The following SLIT3 variants were observed in gnomAD, a reference collection of about 807,000 sequenced individuals.
SLIT3 encodes slit homolog 3 protein.
A neutral mutation model predicts 184.0 loss-of-function variants in SLIT3; 68 were observed. That is an observed-to-expected ratio of 0.37 (90% CI 0.30 to 0.45). SLIT3 has a LOEUF of 0.45. SLIT3 is among the 20% of genes least tolerant of loss of function. The probability of loss-of-function intolerance (pLI) is 1.00; values close to 1 mark genes in which losing one functional copy is unlikely to be tolerated. For missense variants in SLIT3, 1,707 were observed against 2,026.0 expected, an observed-to-expected ratio of 0.84 and a Z score of 3.02; for synonymous variants, 831 against 828.6, an observed-to-expected ratio of 1.00 and a Z score of -0.05.
rs1183783589 is a variant in SLIT3, at chr5:168,664,560, T to C, written c.*1894A>G. On this transcript the variant is annotated 3_prime_UTR_variant, in exon 36 of 36. Coordinates refer to ENST00000519560, the MANE Select transcript of SLIT3 (RefSeq NM_003062.4). ...TTGCCTCGTTTTCCTCCATCTTCCT[T>C]TCTTTTCTTTCTCCCTTCATTATTC... 2.6e-5 allele frequency: 4 copies of C among 152,258 alleles called. No homozygotes were observed. Among genetic ancestry groups the C allele is most frequent in the Non-Finnish European group, 5.9e-5 (4 of 68,072 alleles). The allele number at this position is 152,258 out of a possible 1,614,324, so 9.4% of individuals were successfully genotyped here.
At chr5:168,864,602 C>G (rs964532133) in intron 5 of SLIT3, among the ~76,000 whole-genome samples, 1 of 152,170 alleles carries the variant, frequency 6.6e-6, no homozygotes, top group African/African-American at 2.4e-5. Flanking sequence ...GCATTCCCAC[C>G]GTCAGTGTGA....
At chr5:168,897,646 G>GCGCGCGCGCGCGCACACACACA in intron 4 of SLIT3, among the ~76,000 whole-genome samples, 5 of 105,446 alleles carry the variant, frequency 4.7e-5, no homozygotes, top group South Asian at 2.8e-4. Context: ...ACAGGTGCAC[G>GCGCGCGCGCGCGCACACACACA]TACACACACA....
intron 4 of SLIT3, among the ~76,000 whole-genome samples, chr5:169,033,485 A>C (rs1270722172): frequency 3.9e-5 from 6 of 152,092 alleles, no homozygotes; most frequent in Non-Finnish European, 7.4e-5. Flanking sequence ...GTCATCTGGT[A>C]ATTTTATTTT....
At chr5:168,972,776 C>T (rs1250448668) in intron 4 of SLIT3, among the ~76,000 whole-genome samples, 7 of 152,112 alleles carry the variant, frequency 4.6e-5, no homozygotes, top group South Asian at 2.1e-4. Flanking sequence ...TTGCTTGTTG[C>T]CTCACATTGG....
chr5:168,789,782 G>T (rs1756292831), intron 10 of SLIT3, 151 bp from the exon 11 acceptor site: 2 of 614,408 alleles, frequency 3.3e-6, no homozygotes, highest in Non-Finnish European at 5.9e-6. Context: ...AAGAGAAGGA[G>T]CTTAAAGAGC....
chr5:169,193,366 G>A, intron 4 of SLIT3, 113 bp downstream of exon 4: 1 of 843,358 alleles, frequency 1.2e-6, no homozygotes, highest in Non-Finnish European at 2.1e-6. Context: ...AAGTCTCTAT[G>A]TCAGGGCCTA....
intron 9 of SLIT3, among the ~76,000 whole-genome samples, chr5:168,797,074 C>T (rs1756588976): frequency 1.3e-5 from 2 of 152,042 alleles, no homozygotes; most frequent in South Asian, 4.2e-4. Context: ...GGGGAGTGCA[C>T]TTTACCGGGA....
intron 4 of SLIT3, among the ~76,000 whole-genome samples, chr5:168,937,168 A>T (rs1200661391): frequency 2.0e-5 from 3 of 151,994 alleles, no homozygotes; most frequent in Non-Finnish European, 4.4e-5. Context: ...AGCGTACTGG[A>T]GGGGTAGGGA....
At position 168,817,261 on chromosome 5, in the gene SLIT3, T is replaced by C. The variant is rs753219281; in HGVS notation, c.793+39A>G. On this transcript the variant is annotated intron_variant, in intron 8 of 35. Coordinates refer to ENST00000519560, the MANE Select transcript of SLIT3 (RefSeq NM_003062.4). ...TTGTGGGAGCTCATGGGTGGGTGGG[T>C]CATAGCACAGGAGGGGAGAGCAGGT... 1.9e-6 allele frequency: 3 copies of C among 1,601,870 alleles called. No homozygotes were observed. In the Admixed American group the frequency reaches 5.0e-5, roughly 27 times the overall value.
At chr5:169,061,873 C>G (rs1226547489) in intron 4 of SLIT3, among the ~76,000 whole-genome samples, 4 of 151,634 alleles carry the variant, frequency 2.6e-5, no homozygotes, top group Non-Finnish European at 4.4e-5. Context: ...TTCCCCACCC[C>G]ACTCCCTACC....
chr5:169,251,109 C>CCT (rs1377708058), intron 2 of SLIT3, among the ~76,000 whole-genome samples: 10 of 152,218 alleles, frequency 6.6e-5, no homozygotes, highest in Non-Finnish European at 2.9e-5. Context: ...TCGCTGTCAT[C>CCT]CTAGAAGCTG....
chr5:169,061,441 G>A (rs1338701592), intron 4 of SLIT3, among the ~76,000 whole-genome samples: 1 of 152,152 alleles, frequency 6.6e-6, no homozygotes, highest in Admixed American at 6.5e-5. Flanking sequence ...AACTATGAAC[G>A]CTATTCTTAG....
intron 4 of SLIT3, among the ~76,000 whole-genome samples, chr5:169,046,815 T>C (rs1757638665): frequency 6.6e-6 from 1 of 152,104 alleles, no homozygotes; most frequent in African/African-American, 2.4e-5. Context: ...AGATAATTCT[T>C]CTCCTCCCTT....
chr5:169,212,880 A>T (rs1764313094), intron 3 of SLIT3, among the ~76,000 whole-genome samples: 1 of 152,118 alleles, frequency 6.6e-6, no homozygotes, highest in African/African-American at 2.4e-5. Flanking sequence ...AGTTTTCCTA[A>T]CACCATTTAT....
chr5:168,987,368 C>T (rs185118875), intron 4 of SLIT3, among the ~76,000 whole-genome samples: 2 of 152,258 alleles, frequency 1.3e-5, no homozygotes, highest in East Asian at 1.9e-4. Flanking sequence ...TTTCTATTCA[C>T]GCTAATCTCT....
intron 4 of SLIT3, among the ~76,000 whole-genome samples, chr5:168,920,465 G>C (rs1761598957): frequency 6.6e-6 from 1 of 152,136 alleles, no homozygotes; most frequent in Admixed American, 6.5e-5. Flanking sequence ...CTTAACTAGA[G>C]GCAGGGAGGA....
intron 4 of SLIT3, among the ~76,000 whole-genome samples, chr5:169,173,090 C>T (rs1218865875): frequency 2.0e-5 from 3 of 152,010 alleles, no homozygotes; most frequent in Non-Finnish European, 4.4e-5. Context: ...GATGAAACCC[C>T]GTCTCTACTA....
rs145697498 is a variant in SLIT3 at position 169,143,708 on chromosome 5, C to T, written c.413+49771G>A. ...CCCATCTACTCAGGAGGCTGAGGCC[C>T]GAGAATCACTTGAACCTGGGAGGTG... On this transcript the variant is annotated intron_variant, in intron 4 of 35. Transcript: ENST00000519560. 9.9e-4 allele frequency among the ~76,000 whole-genome samples: 150 copies of T among 152,064 alleles called. 5 individuals carry two copies. Among genetic ancestry groups the T allele is most frequent in the African/African-American group, 3.5e-3 (145 of 41,486 alleles).
chr5:168,953,318 A>G (rs879737550), intron 4 of SLIT3, among the ~76,000 whole-genome samples: 2 of 152,214 alleles, frequency 1.3e-5, no homozygotes, highest in Non-Finnish European at 2.9e-5. Flanking sequence ...TGCCCATCTC[A>G]TCAGTGCCGT....
Sources: allele counts gnomAD v4.1 joint callset (sites outside exome capture counted in the v4.1 genomes callset), GRCh38; gene constraint gnomAD v4.1.1; transcripts MANE v1.5; gene names NCBI Gene and HGNC (gene_info 2026-07-23, HGNC 2026-07-21).